The following PPP1R9A variants were observed in gnomAD, a reference collection of about 807,000 sequenced individuals.
PPP1R9A encodes neurabin-1.
A neutral mutation model predicts 141.9 loss-of-function variants in PPP1R9A; 59 were observed. That is an observed-to-expected ratio of 0.42 (90% CI 0.34 to 0.52). PPP1R9A has a LOEUF of 0.52. PPP1R9A is among the 20% of genes least tolerant of loss of function. The pLI, the probability that PPP1R9A is intolerant of heterozygous loss-of-function variation, is 0.10. For synonymous variants in PPP1R9A, 500 were observed against 569.7 expected (o/e 0.88, Z 1.74); for missense variants, 1,444 against 1,611.9 (o/e 0.90, Z 1.78).
intron 2 of PPP1R9A, among the ~76,000 whole-genome samples, chr7:95,032,716 C>G (rs547714092): frequency 6.4e-4 from 98 of 152,226 alleles, no homozygotes; most frequent in African/African-American, 2.3e-3. Context: ...AAAATTGTCA[C>G]TGAGTTCTTT....
At chr7:95,186,089 G>A (rs1834609583) in intron 5 of PPP1R9A, among the ~76,000 whole-genome samples, 1 of 151,800 alleles carries the variant, frequency 6.6e-6, no homozygotes, top group Non-Finnish European at 1.5e-5. Context: ...GATAGGAATT[G>A]CATTGAATTT....
At chr7:95,126,260 G>A (rs566840600) in intron 4 of PPP1R9A, among the ~76,000 whole-genome samples, 21 of 152,142 alleles carry the variant, frequency 1.4e-4, no homozygotes, top group Non-Finnish European at 2.5e-4. Context: ...GTGAGGTAGG[G>A]TTATTTTTTT....
At chr7:94,961,756 C>T (rs1220085218) in intron 2 of PPP1R9A, among the ~76,000 whole-genome samples, 2 of 151,846 alleles carry the variant, frequency 1.3e-5, no homozygotes, top group East Asian at 1.9e-4. Context: ...TTGCCCTTAT[C>T]GTTTAACACA....
chr7:95,218,394 G>A (rs1793837524), intron 7 of PPP1R9A, among the ~76,000 whole-genome samples: 1 of 152,132 alleles, frequency 6.6e-6, no homozygotes, highest in Non-Finnish European at 1.5e-5. Flanking sequence ...CCAACTATGT[G>A]GTCAATTTTG....
chr7:95,157,632 T>C (rs954576415), intron 4 of PPP1R9A, among the ~76,000 whole-genome samples: 1 of 152,216 alleles, frequency 6.6e-6, no homozygotes, highest in African/African-American at 2.4e-5. Context: ...GCTGCTGCTA[T>C]AACTAGGATC....
intron 2 of PPP1R9A, among the ~76,000 whole-genome samples, chr7:94,942,822 TAAATAAA>T (rs1795487937): frequency 6.8e-6 from 1 of 148,132 alleles, no homozygotes. Flanking sequence ...AATAAATAAA[TAAATAAA>T]TAAATAAATA....
At chr7:95,069,398 A>G (rs1489573980) in intron 2 of PPP1R9A, among the ~76,000 whole-genome samples, 3 of 152,106 alleles carry the variant, frequency 2.0e-5, no homozygotes, top group African/African-American at 7.2e-5. Context: ...TACACTTTAG[A>G]TAGAGTACAT....
At chr7:95,052,036 C>T (rs182502042) in intron 2 of PPP1R9A, among the ~76,000 whole-genome samples, 195 of 151,942 alleles carry the variant, frequency 1.3e-3, no homozygotes, top group African/African-American at 3.8e-3. Context: ...GATGGGGTTT[C>T]GCCGAGTTGG....
intron 2 of PPP1R9A, among the ~76,000 whole-genome samples, chr7:94,919,301 ATTTTTT>A (rs757456894): frequency 0.45 from 47,042 of 105,662 alleles, 7,814 homozygotes; most frequent in South Asian, 0.54. Flanking sequence ...GGATAATTAC[ATTTTTT>A]TTTTTTTTTT....
At chr7:95,042,480 T>C (rs1809393687) in intron 2 of PPP1R9A, among the ~76,000 whole-genome samples, 1 of 152,244 alleles carries the variant, frequency 6.6e-6, no homozygotes, top group South Asian at 2.1e-4. Context: ...ATACCATTTT[T>C]CATCTCATCA....
chr7:95,044,414 G>T (rs1304931806), intron 2 of PPP1R9A, among the ~76,000 whole-genome samples: 1 of 152,136 alleles, frequency 6.6e-6, no homozygotes, highest in Admixed American at 6.5e-5. Context: ...TCATTTGCAA[G>T]ATCAGGAATA....
intron 2 of PPP1R9A, among the ~76,000 whole-genome samples, chr7:95,046,315 G>C (rs1199651361): frequency 6.6e-6 from 1 of 152,052 alleles, no homozygotes; most frequent in South Asian, 2.1e-4. Flanking sequence ...TCAAGTTCTT[G>C]GTCTTGGACT....
intron 4 of PPP1R9A, among the ~76,000 whole-genome samples, chr7:95,152,895 C>T (rs1828963324): frequency 6.9e-6 from 1 of 144,598 alleles, no homozygotes; most frequent in African/African-American, 2.6e-5. Flanking sequence ...GTCCTCCAGG[C>T]TGGAGTGCAG....
chr7:95,237,555 A>G (rs1796885076), intron 8 of PPP1R9A, among the ~76,000 whole-genome samples: 1 of 152,050 alleles, frequency 6.6e-6, no homozygotes, highest in Non-Finnish European at 1.5e-5. Context: ...TTTTTTCTGT[A>G]CTATGGCTTA....
intron 16 of PPP1R9A, 36 bp from the exon 17 acceptor site, chr7:95,283,982 T>C: frequency 6.7e-7 from 1 of 1,490,830 alleles, no homozygotes; most frequent in Non-Finnish European, 9.1e-7. Flanking sequence ...ATCCGCCCTT[T>C]CTTTATCTAA....
intron 2 of PPP1R9A, among the ~76,000 whole-genome samples, chr7:95,024,708 G>A (rs931485084): frequency 6.6e-5 from 10 of 152,050 alleles, no homozygotes; most frequent in African/African-American, 1.4e-4. Flanking sequence ...ACAGCACACC[G>A]ATAGGTTTTG....
At chr7:95,129,016 A>G (rs982184608) in intron 4 of PPP1R9A, among the ~76,000 whole-genome samples, 2 of 152,206 alleles carry the variant, frequency 1.3e-5, no homozygotes, top group Non-Finnish European at 2.9e-5. Flanking sequence ...ATCTGGAGTT[A>G]AATTTTTATA....
chr7:95,044,688 G>A (rs1213678681), intron 2 of PPP1R9A, among the ~76,000 whole-genome samples: 1 of 147,900 alleles, frequency 6.8e-6, no homozygotes, highest in Admixed American at 6.8e-5. Flanking sequence ...GAGATTACAG[G>A]TGTGAGCCAC....
At chr7:95,073,362 G>A (rs1050271456) in intron 2 of PPP1R9A, among the ~76,000 whole-genome samples, 1 of 152,080 alleles carries the variant, frequency 6.6e-6, no homozygotes, top group African/African-American at 2.4e-5. Context: ...ACCGGAATAT[G>A]TAGAACATAG....
Sources: gnomAD v4.1 joint callset for allele counts (sites outside exome capture counted in the v4.1 genomes callset) on GRCh38, gnomAD v4.1.1 for gene constraint, MANE v1.5 for transcripts, NCBI Gene and HGNC (gene_info 2026-07-23, HGNC 2026-07-21) for gene names.